Variants in MLXIP observed in about 807,000 individuals in gnomAD.
MLXIP encodes MLX interacting protein, also known as MLX-interacting protein.
Under a neutral mutation model 87.2 loss-of-function variants are expected in MLXIP, and 30 were observed. That is an observed-to-expected ratio of 0.34 (90% CI 0.26 to 0.47). MLXIP has a LOEUF of 0.47. Among genes scored for constraint, MLXIP ranks in the 20% least tolerant of loss-of-function variants. The pLI is 1.00. For synonymous variants in MLXIP, 530 were observed against 514.0 expected (o/e 1.03, Z -0.42); for missense variants, 1,002 against 1,240.1 (o/e 0.81, Z 2.88).
chr12:122,112,599 A>C (rs531513511), intron 1 of MLXIP, among the ~76,000 whole-genome samples: 1 of 151,882 alleles, frequency 6.6e-6, no homozygotes, highest in South Asian at 2.1e-4. Context: ...GTGAGCCAAG[A>C]TCGTGCCACT....
chr12:122,105,278 G>T (rs36168754), intron 1 of MLXIP, among the ~76,000 whole-genome samples: 1 of 151,766 alleles, frequency 6.6e-6, no homozygotes, highest in East Asian at 1.9e-4. Context: ...TTTTCCTAAT[G>T]CCTCTCTCAG....
intron 1 of MLXIP, among the ~76,000 whole-genome samples, chr12:122,106,503 TG>T (rs1434400626): frequency 1.3e-5 from 2 of 151,876 alleles, no homozygotes; most frequent in African/African-American, 4.8e-5. Flanking sequence ...TAAGTGTTGC[TG>T]GGATGTTCCA....
chr12:122,114,394 T>C (rs28450064), intron 1 of MLXIP, among the ~76,000 whole-genome samples: 76,746 of 152,064 alleles, frequency 0.5, 19,874 homozygotes, highest in Middle Eastern at 0.64. Flanking sequence ...ATTATATTCA[T>C]GGTTGCAGTA....
chr12:122,087,479 T>G (rs1952185490), intron 1 of MLXIP, among the ~76,000 whole-genome samples: 1 of 151,982 alleles, frequency 6.6e-6, no homozygotes, highest in South Asian at 2.1e-4. Flanking sequence ...GAAACCTAAG[T>G]GTCAAGTAGG....
chr12:122,141,088 G>A lies in MLXIP; in HGVS notation c.2638+5G>A. ...CCCTGCCCATCCTCAGGCCGAGTGA[G>A]TGGGGCAGTGCCAGGGTGGGGGGCT... On this transcript the variant is annotated splice_donor_5th_base_variant and intron_variant, in intron 16 of 16. Transcript: ENST00000319080. 1 of 1,606,460 alleles carries A rather than the reference G, an allele frequency of 6.2e-7. No individual in the cohort carries two copies. The highest frequency in any genetic ancestry group is 8.5e-7 in the Non-Finnish European group (1 of 1,177,604).
In MLXIP at chr12:122,133,310, C is replaced by G; in HGVS notation, c.1093-38C>G. The G allele has an allele frequency of 4.6e-6, 7 of 1,526,514 alleles. No homozygotes were observed. Among genetic ancestry groups the G allele is most frequent in the Non-Finnish European group, 6.2e-6 (7 of 1,137,802 alleles). 94.6% of individuals were successfully genotyped at this position (1,526,514 alleles called of 1,614,324 possible). ...CAGCGCTAGAAAGGAATTGTCTGAC[C>G]CCAGCATTGCTTCCTGGCTCCTTTC... is the stretch of plus-strand genomic sequence containing the variant. On this transcript the variant is annotated intron_variant, in intron 8 of 16. Coordinates refer to ENST00000319080, the MANE Select transcript of MLXIP (RefSeq NM_014938.6). The surrounding 1 kb of genome is among the most constrained non-coding windows in gnomAD (Gnocchi z 4.9).
Position 122,112,953 on chromosome 12 carries a change from G to A in MLXIP, c.414-14303G>A, listed in dbSNP as rs117292831. ...GGCTAGGAAAAGCCTTGTTAAGTAC[G>A]ACACAAAAAACAGAAGCATAAAAAA... On this transcript the variant is annotated intron_variant, in intron 1 of 16. Coordinates refer to ENST00000319080, the MANE Select transcript of MLXIP (RefSeq NM_014938.6). Among the ~76,000 whole-genome samples, 322 of 141,776 alleles carry A rather than the reference G, an allele frequency of 2.3e-3. 2 individuals carry two copies. Among genetic ancestry groups the A allele is most frequent in the Non-Finnish European group, 3.3e-3 (213 of 65,414 alleles). 93.0% of individuals were successfully genotyped at this position (141,776 alleles called of 152,430 possible).
intron 1 of MLXIP, among the ~76,000 whole-genome samples, chr12:122,098,143 A>G (rs918103449): frequency 1.3e-5 from 2 of 152,186 alleles, no homozygotes; most frequent in Non-Finnish European, 2.9e-5. Context: ...CCTTGGAGCT[A>G]TGGGTGTGTT....
At position 122,120,862 on chromosome 12, in the gene MLXIP, T is replaced by A. The variant is rs896896015; in HGVS notation, c.414-6394T>A. Among the ~76,000 whole-genome samples, 4 of 152,090 alleles carry A rather than the reference T, an allele frequency of 2.6e-5. No individual in the cohort carries two copies. In the South Asian group the frequency reaches 6.2e-4, roughly 24 times the overall value. On this transcript the variant is annotated intron_variant, in intron 1 of 16. Transcript: ENST00000319080. ...GAGTAGGGAGGAAGCCAGGGATGTT[T>A]TGCTAAGGGGTGTCCCTCTAAGAAG... is the stretch of plus-strand genomic sequence containing the variant.
Position 122,133,447 on chromosome 12 carries a change from G to T in MLXIP, c.1192G>T (p.Gly398Cys). 1.2e-6 allele frequency: 2 copies of T among 1,613,064 alleles called. No homozygotes were observed. The highest frequency in any genetic ancestry group is 1.7e-6 in the Non-Finnish European group (2 of 1,179,720). Residue 398 changes from glycine to cysteine, a missense_variant, in exon 9 of 17, where the codon GGC becomes TGC. Physicochemically the swap from Gly to Cys is radical, Grantham distance 159. Transcript: ENST00000319080. This position sits in a 1 kb window ranked among gnomAD's most constrained non-coding sequence, Gnocchi z 4.9. ...APSLAHMDEQGCEHTSRTEDP... is the reference protein window; with the variant it reads ...APSLAHMDEQCCEHTSRTEDP... The stretch of plus-strand genomic sequence containing the variant: ...ATCCCTGGCTCACATGGATGAGCAG[G>T]GCTGTGAACACACCTCCCGGACTGA...
intron 1 of MLXIP, among the ~76,000 whole-genome samples, chr12:122,103,115 C>T (rs538737141): frequency 5.1e-4 from 78 of 152,272 alleles, no homozygotes; most frequent in African/African-American, 1.8e-3. Flanking sequence ...GGCATTTTCC[C>T]GCCTTGGCTT....
intron 1 of MLXIP, among the ~76,000 whole-genome samples, chr12:122,113,154 T>C (rs1307077678): frequency 3.9e-5 from 6 of 152,264 alleles, no homozygotes; most frequent in Non-Finnish European, 5.9e-5. Context: ...TATAAAACTT[T>C]ATTGGCATAA....
chr12:122,113,910 C>T (rs1036989218), intron 1 of MLXIP, among the ~76,000 whole-genome samples: 4 of 150,998 alleles, frequency 2.6e-5, no homozygotes, highest in African/African-American at 9.7e-5. Context: ...TGGTCTCGAA[C>T]TCCTGACCTC....
intron 1 of MLXIP, among the ~76,000 whole-genome samples, chr12:122,110,113 C>T (rs1952581447): frequency 6.6e-6 from 1 of 152,046 alleles, no homozygotes. Flanking sequence ...ACAATCTTTA[C>T]TGAATTATCT....
At position 122,138,433 on chromosome 12, in the gene MLXIP, G is replaced by A. The variant is rs1291336415; in HGVS notation, c.2266G>A (p.Ala756Thr). The change falls in exon 14 of 17, where the codon GCC (alanine) becomes ACC (threonine). Residue 756 changes from alanine (A) to threonine (T), a missense_variant. By Grantham distance (58) the Ala-to-Thr change is moderately conservative (BLOSUM62 0). This residue lies in a region of MLXIP where 746 missense variants were observed against 897.0 expected (regional missense o/e 0.83). Transcript: ENST00000319080. ...CCTGCCCCTTCTGCAGACCAGTCAC[G>A]CCATCACACTGCAGAAGACTGTGGA... is the stretch of plus-strand genomic sequence containing the variant. ...ISNNSKLTSH[A>T]ITLQKTVEYI... The A allele has an allele frequency of 8.1e-6, 13 of 1,613,646 alleles. No homozygotes were observed. Among genetic ancestry groups the A allele is most frequent in the African/African-American group, 2.7e-5 (2 of 74,916 alleles).
chr12:122,095,333 G>C (rs1444709717), intron 1 of MLXIP, among the ~76,000 whole-genome samples: 3 of 151,868 alleles, frequency 2.0e-5, no homozygotes, highest in Admixed American at 2.0e-4. Flanking sequence ...ACTCACACAT[G>C]CACACTTAGT....
At chr12:122,100,329 C>T (rs1335859440) in intron 1 of MLXIP, among the ~76,000 whole-genome samples, 1 of 152,090 alleles carries the variant, frequency 6.6e-6, no homozygotes, top group Non-Finnish European at 1.5e-5. Context: ...CCTAATTTGC[C>T]CCTCTCTTAA....
intron 1 of MLXIP, among the ~76,000 whole-genome samples, chr12:122,092,847 C>A (rs1019386089): frequency 1.3e-5 from 2 of 151,904 alleles, no homozygotes; most frequent in East Asian, 3.9e-4. Context: ...GTTTAGTTTC[C>A]GACCTGCACA....
At chr12:122,095,675 CCTTTT>C (rs1480749207) in intron 1 of MLXIP, among the ~76,000 whole-genome samples, 4,584 of 151,612 alleles carry the variant, frequency 0.03, 211 homozygotes, top group African/African-American at 0.1. Flanking sequence ...TTAAAGTTAA[CCTTTT>C]CTTTTCAAGT....
Sources: allele counts gnomAD v4.1 joint callset (sites outside exome capture counted in the v4.1 genomes callset), GRCh38; gene constraint gnomAD v4.1.1; regional missense constraint gnomAD v4.1.1; non-coding constraint Gnocchi (gnomAD v3.1); transcripts MANE v1.5; gene names NCBI Gene and HGNC (gene_info 2026-07-23, HGNC 2026-07-21).